The following TTN variants were observed in gnomAD, a reference collection of about 807,000 sequenced individuals.
TTN encodes the protein connectin.
TTN carries 1,525 observed loss-of-function variants against 3,223.0 expected under a neutral mutation model. The ratio of observed to expected loss-of-function variants is 0.47; its 90% confidence interval spans 0.45 to 0.49. TTN has a LOEUF of 0.49. TTN is among the 20% of genes least tolerant of loss of function. The probability of loss-of-function intolerance (pLI) is 0.00; values close to 1 mark genes in which losing one functional copy is unlikely to be tolerated. For missense variants in TTN, 40,786 were observed against 43,424.0 expected (o/e 0.94, Z 5.40); for synonymous variants, 14,094 against 15,161.0 (o/e 0.93, Z 5.17).
chr2:178,532,269 A>G lies in TTN; in HGVS notation c.104346T>C (p.His34782=), dbSNP rs774041008. The part of the protein sequence containing the change: ...ELLRPVTTTQ[H]LSEYKSELDF... ...CAAGTTCGCTTTTGTATTCTGAGAG[A>G]TGCTGGGTGGTCGTAACTGGGCGAA... is the stretch of plus-strand genomic sequence containing the variant. The change falls in exon 358 of 363, where the codon CAT becomes CAC. Residue 34782 remains histidine (H), a synonymous_variant. Transcript: ENST00000589042. The G allele has an allele frequency of 6.2e-7, 1 of 1,613,758 alleles. No homozygotes were observed. The highest frequency in any genetic ancestry group is 1.3e-5 in the African/African-American group (1 of 74,978).
chr2:178,727,961 C>G (rs1020962244), intron 67 of TTN, 98 bp from the exon 68 acceptor site: 2 of 1,423,490 alleles, frequency 1.4e-6, no homozygotes, highest in Admixed American at 5.6e-5. Flanking sequence ...TGGAAAGAGG[C>G]AATGGCTGAA....
At chr2:178,630,648 G>A (rs1029178804) in intron 238 of TTN, among the ~76,000 whole-genome samples, 156 bp downstream of exon 238, 1 of 152,074 alleles carries the variant, frequency 6.6e-6, no homozygotes, top group Admixed American at 6.6e-5. Flanking sequence ...GCCAGTCTGA[G>A]CCCATTCATA....
rs1367129702 is a variant in TTN, at chr2:178,618,489, C to T, written c.46969G>A (p.Val15657Ile). ...TCTAAGTTACGTACTGGCCCAGGAA[C>T]ATCTGAAATTCACATATAGAGGAAT... is the stretch of plus-strand genomic sequence containing the variant. Reference protein sequence around the residue: ...EGFINLKVIDVPGPVRNLEVT... With the variant: ...EGFINLKVIDIPGPVRNLEVT... The change falls in exon 252 of 363, where the codon GTT becomes ATT. Residue 15657 changes from valine (V) to isoleucine (I), a missense_variant and splice_region_variant. Coordinates refer to ENST00000589042, the MANE Select transcript of TTN (RefSeq NM_001267550.2). 1.2e-6 allele frequency: 2 copies of T among 1,611,008 alleles called. No individual in the cohort carries two copies. Among genetic ancestry groups the T allele is most frequent in the Admixed American group, 1.7e-5 (1 of 59,502 alleles).
chr2:178,650,769 C>A lies in TTN; in HGVS notation c.39691G>T (p.Glu13231Ter). ...KPAVPVPERAESPPPEVYEEP... is the reference protein window; with the variant it reads ...KPAVPVPERA Reference sequence around the variant, plus strand: ...CGTGTACCTTCTGGGGGAGGAGACTCCGCTCTTTCTGGAACAGGAACAGCT... The same window carrying A: ...CGTGTACCTTCTGGGGGAGGAGACTACGCTCTTTCTGGAACAGGAACAGCT... Residue 13231 changes from glutamate (E) to a stop codon, truncating the protein, a stop_gained, in exon 209 of 363, where the codon GAG becomes TAG. Transcript: ENST00000589042. LOFTEE classifies it high-confidence loss of function. 1 of 1,606,314 alleles carries A rather than the reference C, an allele frequency of 6.2e-7. No homozygotes were observed. The highest frequency in any genetic ancestry group is 2.2e-5 in the East Asian group (1 of 44,502).
Position 178,711,054 on chromosome 2 carries a change from C to A in TTN, c.28174+8G>T. Reference sequence around the variant, plus strand: ...ATTCTAGAAATGAAAGTTTAAGAATCCACAAACCTGTGAGAATGAGCCTGG... The same window carrying A: ...ATTCTAGAAATGAAAGTTTAAGAATACACAAACCTGTGAGAATGAGCCTGG... On this transcript the variant is annotated splice_region_variant and intron_variant, in intron 97 of 362. Transcript: ENST00000589042. The A allele has an allele frequency of 6.4e-7, 1 of 1,566,772 alleles. No individual in the cohort carries two copies. The highest frequency in any genetic ancestry group is 8.6e-7 in the Non-Finnish European group (1 of 1,159,998).
intron 99 of TTN, among the ~76,000 whole-genome samples, chr2:178,709,190 A>C (rs527882477): frequency 3.9e-4 from 60 of 152,310 alleles, no homozygotes; most frequent in South Asian, 6.2e-4. Flanking sequence ...TAACTCAATA[A>C]TAGTCAAGTT....
chr2:178,553,943 G>T lies in TTN; in HGVS notation c.89168C>A (p.Ser29723Tyr). ...AGGATCAGCAGCTTTGTAGAATTCA[G>T]ATGGTTCAGAAAATGGACCCTGTCC... ...AAGQGPFSEP[S>Y]EFYKAADPID... is the part of the protein sequence containing the mutation. The change falls in exon 333 of 363, where the codon TCT becomes TAT. Residue 29723 changes from serine (S) to tyrosine (Y), a missense_variant. Ser to Tyr is a moderately radical substitution (Grantham distance 144). Coordinates refer to ENST00000589042, the MANE Select transcript of TTN (RefSeq NM_001267550.2). 6.2e-7 allele frequency: 1 copy of T among 1,605,448 alleles called. No individual in the cohort carries two copies. Among genetic ancestry groups the T allele is most frequent in the Middle Eastern group, 1.7e-4 (1 of 6,034 alleles).
intron 359 of TTN, chr2:178,529,475 A>G (rs1159209417): frequency 2.9e-6 from 1 of 347,828 alleles, no homozygotes; most frequent in African/African-American, 2.1e-5. Context: ...TCTTGAAAAG[A>G]ATAGTCAACG....
rs374042312 is a variant in TTN, at chr2:178,605,222, G to C, written c.53955C>G (p.His17985Gln). 3 of 1,611,576 alleles carry C rather than the reference G, an allele frequency of 1.9e-6. No homozygotes were observed. The highest frequency in any genetic ancestry group is 2.5e-6 in the Non-Finnish European group (3 of 1,178,862). The change falls in exon 280 of 363, where the codon CAC becomes CAG. Residue 17985 changes from histidine to glutamine, a missense_variant. Coordinates refer to ENST00000589042, the MANE Select transcript of TTN (RefSeq NM_001267550.2). ...TIKVKAGEPV[H>Q]IPADVTGLPM... is the part of the protein sequence containing the mutation. ...GAAGGCCTGTCACATCTGCAGGGAT[G>C]TGGACAGGCTCTCCTGCCTTAACTT... is the stretch of plus-strand genomic sequence containing the variant.
Position 178,709,638 on chromosome 2 carries a change from C to T in TTN, c.28681G>A (p.Ala9561Thr), listed in dbSNP as rs373380202. 36 of 1,613,908 alleles carry T rather than the reference C, an allele frequency of 2.2e-5. No individual in the cohort carries two copies. In the African/African-American group the frequency reaches 2.8e-4, roughly 13 times the overall value. Reference protein sequence around the residue: ...LQVRKAGMNDAGLYTCKVSND... With the variant: ...LQVRKAGMNDTGLYTCKVSND... ...GACACTTTGCATGTGTACAAACCAG[C>T]GTCGTTCATGCCTGCTTTCCTGACT... The change falls in exon 99 of 363, where the codon GCT (alanine) becomes ACT (threonine). Residue 9561 changes from alanine to threonine, a missense_variant. By Grantham distance (58) the Ala-to-Thr change is moderately conservative. Coordinates refer to ENST00000589042, the MANE Select transcript of TTN (RefSeq NM_001267550.2).
chr2:178,748,515 C>A (rs765292439), intron 47 of TTN: 4 of 1,613,064 alleles, frequency 2.5e-6, no homozygotes, highest in African/African-American at 1.3e-5. Context: ...AACTCCAGAG[C>A]TGGATCTCCT....
At chr2:178,649,949 G>A in intron 210 of TTN, 55 bp from the exon 211 acceptor site, 1 of 1,544,032 alleles carries the variant, frequency 6.5e-7, no homozygotes, top group South Asian at 1.2e-5. Flanking sequence ...AAAATTTAAT[G>A]CTAATGAATG....
At position 178,735,920 on chromosome 2, in the gene TTN, C is replaced by T. The variant is rs754160697; in HGVS notation, c.14526G>A (p.Arg4842=). 4 of 1,613,790 alleles carry T rather than the reference C, an allele frequency of 2.5e-6. No homozygotes were observed. In the Admixed American group the frequency reaches 6.7e-5, roughly 27 times the overall value. ...TGTGTTTGTTTTCTGCGTCGGAAAT[C>T]CTCCAGTTAGGTGAAGGTGAGAGTG... is the stretch of plus-strand genomic sequence containing the variant. ...GAALSPSPNW[R]ISDAENKHIL... Residue 4842 remains arginine, a synonymous_variant, in exon 50 of 363, where the codon AGG becomes AGA. Transcript: ENST00000589042.
rs1258413060 is a variant in TTN, at chr2:178,599,544, C to A, written c.56347+10G>T. The stretch of plus-strand genomic sequence containing the variant: ...AACAAGTAATTTTAACCAAACCATG[C>A]AGTCTTTACCCAGGACATTCAGTCT... On this transcript the variant is annotated intron_variant, in intron 289 of 362. Transcript: ENST00000589042. The A allele has an allele frequency of 6.5e-7, 1 of 1,536,882 alleles. No homozygotes were observed.
intron 47 of TTN, 35 bp from the exon 48 acceptor site, chr2:178,741,956 A>C (rs2082560150): frequency 1.5e-6 from 2 of 1,330,288 alleles, no homozygotes; most frequent in Admixed American, 6.6e-5. Context: ...TTTTACTATA[A>C]AATTTTATTT....
At position 178,736,038 on chromosome 2, in the gene TTN, G is replaced by T; in HGVS notation, c.14408C>A (p.Ser4803Tyr). ...YPPTFLSRPK[S>Y]LTTFVGKAAK... Reference sequence around the variant, plus strand: ...TGCCTTACCCACAAAAGTTGTAAGGGACTTAGGTCTGGAGAGAAAGGTTGG... The same window carrying T: ...TGCCTTACCCACAAAAGTTGTAAGGTACTTAGGTCTGGAGAGAAAGGTTGG... The change falls in exon 50 of 363, where the codon TCC (serine) becomes TAC (tyrosine). Residue 4803 changes from serine to tyrosine, a missense_variant. Coordinates refer to ENST00000589042, the MANE Select transcript of TTN (RefSeq NM_001267550.2). 1 of 1,606,374 alleles carries T rather than the reference G, an allele frequency of 6.2e-7. No individual in the cohort carries two copies. Among genetic ancestry groups the T allele is most frequent in the Non-Finnish European group, 8.5e-7 (1 of 1,175,738 alleles).
chr2:178,673,650 T>C lies in TTN; in HGVS notation c.34769A>G (p.Glu11590Gly), dbSNP rs201167067. The C allele has an allele frequency of 3.3e-4, 524 of 1,594,808 alleles. No homozygotes were observed. The African/African-American group carries it at 6.5e-3, about 20-fold the overall frequency. The change falls in exon 152 of 363, where the codon GAG becomes GGG. Residue 11590 changes from glutamate (E) to glycine (G), a missense_variant. Glu to Gly is a moderately conservative substitution (Grantham distance 98). Coordinates refer to ENST00000589042, the MANE Select transcript of TTN (RefSeq NM_001267550.2). The part of the protein sequence containing the change: ...EAPTPVPKKV[E>G]APPAKVSKKI... The stretch of plus-strand genomic sequence containing the variant: ...TGATATACCTTTAGCTGGTGGTGCC[T>C]CCACTTTTTTAGGAACAGGAGTAGG...
chr2:178,790,936 G>A (rs1230314669), intron 10 of TTN, 91 bp from the exon 11 acceptor site: 4 of 1,474,656 alleles, frequency 2.7e-6, no homozygotes, highest in Non-Finnish European at 3.7e-6. Flanking sequence ...AATACAGGAT[G>A]CTTAGTGGTG....
In TTN at chr2:178,547,043, G is replaced by A. The variant is rs1697523298; in HGVS notation, c.94482C>T (p.Ala31494=). 6.2e-7 allele frequency: 1 copy of A among 1,613,298 alleles called. No homozygotes were observed. The highest frequency in any genetic ancestry group is 1.1e-5 in the South Asian group (1 of 91,066). The change falls in exon 340 of 363, where the codon GCC becomes GCT. Residue 31494 remains alanine, a synonymous_variant. Transcript: ENST00000589042. The part of the protein sequence containing the change: ...YALNAAGVSK[A]SEASRPIMAQ... ...CCATTATAGGTCTTGAAGCTTCGCTGGCCTTGCTAACACCTGCAGCATTGA... is the reference window on the plus strand; with the variant it reads ...CCATTATAGGTCTTGAAGCTTCGCTAGCCTTGCTAACACCTGCAGCATTGA...
Sources: gnomAD v4.1 joint callset for allele counts (sites outside exome capture counted in the v4.1 genomes callset) on GRCh38, gnomAD v4.1.1 for gene constraint, MANE v1.5 for transcripts, NCBI Gene and HGNC (gene_info 2026-07-23, HGNC 2026-07-21) for gene names.